PCSK5: variants seen among roughly 807,000 people sequenced by gnomAD.
PCSK5 encodes the protein prohormone convertase 5.
PCSK5 carries 129 observed loss-of-function variants against 233.2 expected under a neutral mutation model. That is an observed-to-expected ratio of 0.55 (90% CI 0.48 to 0.64). PCSK5 has a LOEUF of 0.64. Among genes scored for constraint, PCSK5 ranks in the 30% least tolerant of loss-of-function variants. The probability of loss-of-function intolerance (pLI) is 0.00; values close to 1 mark genes in which losing one functional copy is unlikely to be tolerated. For synonymous variants in PCSK5, 825 were observed against 879.2 expected (o/e 0.94, Z 1.09); for missense variants, 2,076 against 2,430.1 (o/e 0.85, Z 3.06).
chr9:75,901,612 A>G (rs1048350761), intron 1 of PCSK5, among the ~76,000 whole-genome samples: 3 of 148,428 alleles, frequency 2.0e-5, no homozygotes, highest in African/African-American at 7.6e-5. Flanking sequence ...TGTTCTGCAC[A>G]TATATCCCAG....
intron 3 of PCSK5, among the ~76,000 whole-genome samples, chr9:75,994,392 CTTTCTTTCTTTTTTTTTTTTTTTTTTTTT>C (rs1587471954): frequency 3.7e-5 from 1 of 26,696 alleles, no homozygotes. Context: ...TCTTTTCTTT[CTTTCTTTCTTTTTTTTTTTTTTTTTTTTT>C]TTTTTTTTTT....
chr9:76,003,360 G>A (rs182900849), intron 3 of PCSK5, among the ~76,000 whole-genome samples: 32 of 152,270 alleles, frequency 2.1e-4, no homozygotes, highest in Non-Finnish European at 3.1e-4. Context: ...GCAATAGAGC[G>A]AGACCCTGTC....
chr9:76,037,892 C>G (rs373571615), intron 5 of PCSK5, among the ~76,000 whole-genome samples: 1 of 152,188 alleles, frequency 6.6e-6, no homozygotes, highest in Non-Finnish European at 1.5e-5. Context: ...CTTCTCCACT[C>G]TCAGGCGAAG....
chr9:76,360,514 T>C lies in PCSK5; in HGVS notation c.*1592T>C, dbSNP rs1179795081. 1 of 152,270 alleles carries C rather than the reference T, an allele frequency of 6.6e-6. No homozygotes were observed. Among genetic ancestry groups the C allele is most frequent in the Admixed American group, 6.5e-5 (1 of 15,286 alleles). The allele number at this position is 152,270 out of a possible 1,614,324, so 9.4% of individuals were successfully genotyped here. On this transcript the variant is annotated 3_prime_UTR_variant, in exon 38 of 38. Transcript: ENST00000674117. ...TCATGCCTATTGTTTTAGTCTATAA[T>C]ATCAATGTTATCTTTACTAAATTCA...
intron 24 of PCSK5, among the ~76,000 whole-genome samples, chr9:76,289,615 T>G (rs1226556192): frequency 6.6e-6 from 1 of 151,726 alleles, no homozygotes; most frequent in Non-Finnish European, 1.5e-5. Context: ...CCAAGCTGAC[T>G]TAGAGTCAAC....
In PCSK5 at chr9:76,328,117, C is replaced by T. The variant is rs1198609846; in HGVS notation, c.4448C>T (p.Ser1483Leu). 1 of 1,612,708 alleles carries T rather than the reference C, an allele frequency of 6.2e-7. No homozygotes were observed. The highest frequency in any genetic ancestry group is 8.5e-7 in the Non-Finnish European group (1 of 1,179,816). ...AGCTGCATGGCCAACGAGAAGTGCTCACCCTCCGAGTACTGGGATGAGGAT... is the reference window on the plus strand; with the variant it reads ...AGCTGCATGGCCAACGAGAAGTGCTTACCCTCCGAGTACTGGGATGAGGAT... ...RGSCMANEKC[S>L]PSEYWDEDAP... is the part of the protein sequence containing the mutation. Residue 1483 changes from serine to leucine, a missense_variant, in exon 33 of 38, where the codon TCA becomes TTA. This residue lies in a region of PCSK5 where 1,510 missense variants were observed against 1,538.1 expected (regional missense o/e 0.98). Transcript: ENST00000674117.
intron 2 of PCSK5, among the ~76,000 whole-genome samples, chr9:75,935,108 C>T (rs1216701414): frequency 6.6e-6 from 1 of 152,114 alleles, no homozygotes. Flanking sequence ...CGCTCTGTCA[C>T]CCAGGCTGGA....
At chr9:76,219,972 C>T (rs1026168757) in intron 20 of PCSK5, among the ~76,000 whole-genome samples, 3 of 152,096 alleles carry the variant, frequency 2.0e-5, no homozygotes, top group African/African-American at 7.2e-5. Context: ...CCCTCTGCAG[C>T]CACAAATAGA....
intron 5 of PCSK5, among the ~76,000 whole-genome samples, chr9:76,039,340 T>G (rs1051907372): frequency 6.6e-6 from 1 of 152,208 alleles, no homozygotes; most frequent in Non-Finnish European, 1.5e-5. Flanking sequence ...CCCCCTTGTC[T>G]TTGGTTAGGG....
chr9:76,148,216 T>C (rs1250251319), intron 10 of PCSK5, among the ~76,000 whole-genome samples: 1 of 151,602 alleles, frequency 6.6e-6, no homozygotes, highest in Non-Finnish European at 1.5e-5. Flanking sequence ...GATCTCTCTT[T>C]GTTTTTAATG....
chr9:76,188,789 T>TTTA, intron 18 of PCSK5, 114 bp downstream of exon 18: 1 of 753,314 alleles, frequency 1.3e-6, no homozygotes, highest in Non-Finnish European at 2.2e-6. Context: ...GCTGGAAAAG[T>TTTA]TTATTTCTCG....
At chr9:76,291,597 A>T (rs142332700) in intron 24 of PCSK5, among the ~76,000 whole-genome samples, 2 of 152,322 alleles carry the variant, frequency 1.3e-5, no homozygotes, top group Non-Finnish European at 2.9e-5. Flanking sequence ...GGCTGAGATG[A>T]TGACTCTCAA....
At chr9:76,225,827 C>T (rs1011059542) in intron 20 of PCSK5, among the ~76,000 whole-genome samples, 2 of 152,084 alleles carry the variant, frequency 1.3e-5, no homozygotes, top group Admixed American at 1.3e-4. Flanking sequence ...AAAAGGTGTC[C>T]CTCTACAGAG....
rs958852384 is a variant in PCSK5, at chr9:76,185,592, T to G, written c.2282+835T>G. 1.2e-4 allele frequency among the ~76,000 whole-genome samples: 18 copies of G among 152,192 alleles called. No homozygotes were observed. In the East Asian group the frequency reaches 3.5e-3, roughly 29 times the overall value. On this transcript the variant is annotated intron_variant, in intron 17 of 37. Coordinates refer to ENST00000674117, the MANE Select transcript of PCSK5 (RefSeq NM_001372043.1). ...TAGATTAATTATCTATGGCTTCATT[T>G]CTTTTTCCCCCCATGAATGCATTCA...
intron 3 of PCSK5, among the ~76,000 whole-genome samples, chr9:76,003,756 T>C (rs1226342339): frequency 6.6e-6 from 1 of 152,210 alleles, no homozygotes; most frequent in Non-Finnish European, 1.5e-5. Context: ...TCTATCCCTT[T>C]TGATTCCAGA....
intron 2 of PCSK5, among the ~76,000 whole-genome samples, chr9:75,945,351 C>T (rs1011566279): frequency 3.3e-5 from 5 of 151,988 alleles, no homozygotes; most frequent in Non-Finnish European, 7.4e-5. Flanking sequence ...TGATTCTCTC[C>T]CTTTCCCTCG....
intron 7 of PCSK5, among the ~76,000 whole-genome samples, chr9:76,082,352 T>G (rs1830875508): frequency 1.3e-5 from 2 of 152,258 alleles, no homozygotes; most frequent in African/African-American, 4.8e-5. Flanking sequence ...AGTGAGTGAG[T>G]TGACAATGCT....
chr9:76,323,480 C>A (rs1040515308), intron 32 of PCSK5, among the ~76,000 whole-genome samples, 192 bp downstream of exon 32: 5 of 152,072 alleles, frequency 3.3e-5, no homozygotes, highest in African/African-American at 1.2e-4. Flanking sequence ...GCCTCCTGGG[C>A]TCAAGTGATC....
chr9:76,068,456 G>T (rs1210029139), intron 6 of PCSK5, among the ~76,000 whole-genome samples: 2 of 151,162 alleles, frequency 1.3e-5, no homozygotes, highest in Non-Finnish European at 3.0e-5. Context: ...TTTTGTTTTT[G>T]TTTTTTTTCC....
Sources: gnomAD v4.1 joint callset for allele counts (sites outside exome capture counted in the v4.1 genomes callset) on GRCh38, gnomAD v4.1.1 for gene constraint, gnomAD v4.1.1 regional missense constraint, MANE v1.5 for transcripts, NCBI Gene and HGNC (gene_info 2026-07-23, HGNC 2026-07-21) for gene names.